TRIO: variants seen among roughly 807,000 people sequenced by gnomAD.
TRIO encodes the protein triple functional domain protein.
A neutral mutation model predicts 351.9 loss-of-function variants in TRIO; 58 were observed. That is an observed-to-expected ratio of 0.16 (90% CI 0.13 to 0.21). The LOEUF is 0.21. Ranked by LOEUF, TRIO falls within the 10% of genes least tolerant of loss-of-function variation. TRIO has a pLI of 1.00. For synonymous variants in TRIO, 1,758 were observed against 1,595.7 expected (o/e 1.10, Z -2.42); for missense variants, 3,201 against 4,027.8 (o/e 0.79, Z 5.56).
chr5:14,477,759 C>T (rs1241919280), intron 41 of TRIO, among the ~76,000 whole-genome samples: 1 of 152,186 alleles, frequency 6.6e-6, no homozygotes, highest in Non-Finnish European at 1.5e-5. Flanking sequence ...CATCAGGCAT[C>T]AGTCCACTGG....
In TRIO at chr5:14,281,424, A is replaced by ACC. The variant is rs3061076; in HGVS notation, c.347+999_347+1000dup. ...AGGGAGATGGTGCTAAGCCGTTAGA[A>ACC]CCCCCCCCCCCCGCCCCGTGATCCA... On this transcript the variant is annotated intron_variant, in intron 3 of 56. Coordinates refer to ENST00000344204, the MANE Select transcript of TRIO (RefSeq NM_007118.4). Among the ~76,000 whole-genome samples the ACC allele has an allele frequency of 1.8e-3, 159 of 89,352 alleles. 1 individual carries two copies. Among genetic ancestry groups the ACC allele is most frequent in the African/African-American group, 6.9e-3 (147 of 21,298 alleles). The allele number at this position is 89,352 out of a possible 152,430, so 58.6% of individuals were successfully genotyped here.
intron 11 of TRIO, among the ~76,000 whole-genome samples, chr5:14,342,066 A>G (rs1420745246): frequency 2.0e-5 from 3 of 151,658 alleles, no homozygotes; most frequent in Non-Finnish European, 4.4e-5. Context: ...TTGAGCATCC[A>G]GTCTTCTTTG....
intron 34 of TRIO, among the ~76,000 whole-genome samples, chr5:14,425,041 CCA>C (rs1483797731): frequency 6.6e-6 from 1 of 152,202 alleles, no homozygotes; most frequent in Non-Finnish European, 1.5e-5. Context: ...CCACTGCCCA[CCA>C]CAGTTTTTAA....
At chr5:14,502,301 A>G (rs1290192743) in intron 53 of TRIO, among the ~76,000 whole-genome samples, 1 of 152,266 alleles carries the variant, frequency 6.6e-6, no homozygotes, top group Non-Finnish European at 1.5e-5. Context: ...TTTTACTAAC[A>G]TGTATTTAAT....
At chr5:14,177,372 C>A (rs779166134) in intron 1 of TRIO, among the ~76,000 whole-genome samples, 18 of 152,070 alleles carry the variant, frequency 1.2e-4, no homozygotes, top group Non-Finnish European at 1.8e-4. Flanking sequence ...ACATAGAGGT[C>A]TTTTTAGTGA....
chr5:14,389,510 C>G (rs1746862351), intron 25 of TRIO, 112 bp downstream of exon 25: 1 of 740,106 alleles, frequency 1.4e-6, no homozygotes, highest in South Asian at 2.1e-5. Context: ...GATTTTGTTT[C>G]CATTTGAATG....
At chr5:14,225,295 G>T (rs371861612) in intron 1 of TRIO, among the ~76,000 whole-genome samples, 27 of 152,134 alleles carry the variant, frequency 1.8e-4, no homozygotes, top group Non-Finnish European at 2.8e-4. Flanking sequence ...TGTGGAACCC[G>T]AAAATAATCT....
At chr5:14,397,389 C>T (rs545047310) in intron 29 of TRIO, 2 of 441,380 alleles carry the variant, frequency 4.5e-6, no homozygotes, top group South Asian at 2.7e-5. Flanking sequence ...ACACTCTGGA[C>T]TCCAATAGCA....
chr5:14,492,339 A>T, intron 48 of TRIO: 1 of 584,382 alleles, frequency 1.7e-6, no homozygotes. Flanking sequence ...TGAATTTTTT[A>T]AGAGCGTCCC....
chr5:14,406,902 C>G (rs1748769647), intron 33 of TRIO, among the ~76,000 whole-genome samples: 1 of 152,116 alleles, frequency 6.6e-6, no homozygotes, highest in Non-Finnish European at 1.5e-5. Flanking sequence ...CCATCCTGCC[C>G]TTTGCCAGTG....
At chr5:14,449,201 T>C (rs1288824706) in intron 34 of TRIO, among the ~76,000 whole-genome samples, 1 of 152,152 alleles carries the variant, frequency 6.6e-6, no homozygotes, top group Admixed American at 6.5e-5. Context: ...GTCTGCCTGG[T>C]TCACCCCATC....
At position 14,214,591 on chromosome 5, in the gene TRIO, C is replaced by T. The variant is rs938624581; in HGVS notation, c.158-56234C>T. On this transcript the variant is annotated intron_variant, in intron 1 of 56. Transcript: ENST00000344204. The stretch of plus-strand genomic sequence containing the variant: ...TCTACCGGATGTTATTAGCATCTAC[C>T]GTAGCTCACCACAAAGTTTGAAAGA... 5.3e-5 allele frequency among the ~76,000 whole-genome samples: 8 copies of T among 152,160 alleles called. No homozygotes were observed. The South Asian group carries it at 8.3e-4, about 16-fold the overall frequency.
intron 6 of TRIO, among the ~76,000 whole-genome samples, chr5:14,293,435 C>T (rs753091631): frequency 4.3e-4 from 66 of 152,202 alleles, no homozygotes; most frequent in Non-Finnish European, 8.4e-4. Flanking sequence ...CATAGGAGCC[C>T]ACGGGGGCCC....
intron 15 of TRIO, among the ~76,000 whole-genome samples, chr5:14,365,916 C>T (rs909808013): frequency 6.6e-6 from 1 of 152,106 alleles, no homozygotes; most frequent in Admixed American, 6.5e-5. Flanking sequence ...AGAGGCAGCC[C>T]CTCTATCAGA....
intron 18 of TRIO, among the ~76,000 whole-genome samples, chr5:14,372,484 T>G (rs1212125381): frequency 6.6e-6 from 1 of 152,112 alleles, no homozygotes; most frequent in African/African-American, 2.4e-5. Context: ...TAATAACTGT[T>G]TTTTAGGAAT....
At chr5:14,507,351 G>T in intron 56 of TRIO, 91 bp downstream of exon 56, 1 of 1,546,594 alleles carries the variant, frequency 6.5e-7, no homozygotes. Context: ...CAGGCCAGGA[G>T]CCCCCAAGTG....
intron 1 of TRIO, among the ~76,000 whole-genome samples, chr5:14,209,381 C>T (rs1196492777): frequency 6.6e-6 from 1 of 152,332 alleles, no homozygotes; most frequent in African/African-American, 2.4e-5. Context: ...GGTGATGCCA[C>T]CCGTGAGCTC....
intron 54 of TRIO, among the ~76,000 whole-genome samples, 194 bp from the exon 55 acceptor site, chr5:14,504,199 C>T (rs1447343337): frequency 6.6e-6 from 1 of 152,172 alleles, no homozygotes; most frequent in Non-Finnish European, 1.5e-5. Context: ...CCAGCAGAAC[C>T]GCGTGGCTGC....
At chr5:14,245,408 T>C (rs1196109063) in intron 1 of TRIO, among the ~76,000 whole-genome samples, 1 of 152,210 alleles carries the variant, frequency 6.6e-6, no homozygotes, top group African/African-American at 2.4e-5. Context: ...AAGTTTCTTA[T>C]TCAGGGGAGT....
Sources: allele counts gnomAD v4.1 joint callset (sites outside exome capture counted in the v4.1 genomes callset), GRCh38; gene constraint gnomAD v4.1.1; transcripts MANE v1.5; gene names NCBI Gene and HGNC (gene_info 2026-07-23, HGNC 2026-07-21).